ERC1: variants seen among roughly 807,000 people sequenced by gnomAD.
ERC1 encodes the protein ELKS/RAB6-interacting/CAST family member 1.
ERC1 carries 56 observed loss-of-function variants against 132.0 expected under a neutral mutation model. That is an observed-to-expected ratio of 0.42 (90% CI 0.34 to 0.53). The LOEUF (loss-of-function observed/expected upper bound fraction) is 0.53. ERC1 is among the 20% of genes least tolerant of loss of function. The pLI, the probability that ERC1 is intolerant of heterozygous loss-of-function variation, is 0.03. For synonymous variants in ERC1, 478 were observed against 476.1 expected, an observed-to-expected ratio of 1.00 and a Z score of -0.05; for missense variants, 1,202 against 1,349.9, an observed-to-expected ratio of 0.89 and a Z score of 1.72.
At chr12:1,441,559 A>G (rs986475036) in intron 17 of ERC1, among the ~76,000 whole-genome samples, 1 of 152,186 alleles carries the variant, frequency 6.6e-6, no homozygotes. Flanking sequence ...GTCAAAAGTA[A>G]TTACCTAAGA....
intron 17 of ERC1, 93 bp from the exon 18 acceptor site, chr12:1,444,469 C>T (rs1340140570): frequency 5.8e-6 from 5 of 867,142 alleles, no homozygotes; most frequent in Non-Finnish European, 8.6e-6. Flanking sequence ...TTTTCTTTGA[C>T]TTGGAAAGCA....
chr12:1,279,314 CA>C (rs959292669), intron 14 of ERC1, among the ~76,000 whole-genome samples: 2 of 152,012 alleles, frequency 1.3e-5, no homozygotes, highest in Non-Finnish European at 2.9e-5. Flanking sequence ...ATAGTATGAC[CA>C]AAAAATTCTC....
Position 1,083,464 on chromosome 12 carries a change from A to G in ERC1, c.970A>G (p.Lys324Glu). The G allele has an allele frequency of 1.2e-6, 2 of 1,614,208 alleles. No individual in the cohort carries two copies. Among genetic ancestry groups the G allele is most frequent in the Non-Finnish European group, 1.7e-6 (2 of 1,180,022 alleles). The stretch of plus-strand genomic sequence containing the variant: ...GTTGCAGAGCAAAGGACTTTCTGCC[A>G]AGGCTACCGAGGAAGACCATGAGAG... ...EMLQSKGLSAKATEEDHERTR... is the reference protein window; with the variant it reads ...EMLQSKGLSAEATEEDHERTR... The change falls in exon 3 of 19, where the codon AAG becomes GAG. Residue 324 changes from lysine to glutamate, a missense_variant. Coordinates refer to ENST00000360905, the MANE Select transcript of ERC1 (RefSeq NM_178040.4).
At chr12:1,211,909 A>G (rs1000128484) in intron 12 of ERC1, among the ~76,000 whole-genome samples, 4 of 152,258 alleles carry the variant, frequency 2.6e-5, no homozygotes, top group African/African-American at 9.6e-5. Context: ...AGGAAAATTC[A>G]CCACAGGCTC....
chr12:1,175,477 G>A (rs1207683219), intron 8 of ERC1, among the ~76,000 whole-genome samples: 2 of 139,004 alleles, frequency 1.4e-5, no homozygotes, highest in African/African-American at 5.7e-5. Flanking sequence ...AAAAAAAAAA[G>A]CAACAACAAA....
At chr12:1,272,794 A>G (rs1238226282) in intron 14 of ERC1, among the ~76,000 whole-genome samples, 6 of 151,988 alleles carry the variant, frequency 3.9e-5, no homozygotes, top group Non-Finnish European at 8.8e-5. Flanking sequence ...CTAAAAATAC[A>G]AAAATTAGCT....
chr12:1,478,714 G>A (rs1055528487), intron 18 of ERC1, among the ~76,000 whole-genome samples: 10 of 151,954 alleles, frequency 6.6e-5, no homozygotes, highest in East Asian at 1.9e-4. Flanking sequence ...GTGTGAACCC[G>A]GGATGTGGAG....
intron 9 of ERC1, 92 bp from the exon 10 acceptor site, chr12:1,181,833 A>G: frequency 7.5e-7 from 1 of 1,332,714 alleles, no homozygotes; most frequent in Non-Finnish European, 1.0e-6. Context: ...TGTCTTTTGA[A>G]TATAGAAGTT....
intron 15 of ERC1, among the ~76,000 whole-genome samples, chr12:1,354,536 C>A (rs1477198767): frequency 6.8e-6 from 1 of 147,684 alleles, no homozygotes; most frequent in African/African-American, 2.5e-5. Context: ...AAAAAAAAAA[C>A]TTAGTTGAAG....
chr12:1,342,559 G>T (rs2084023060), intron 15 of ERC1, among the ~76,000 whole-genome samples: 1 of 151,874 alleles, frequency 6.6e-6, no homozygotes, highest in Non-Finnish European at 1.5e-5. Context: ...TTTAAGTGTA[G>T]AACCTAGACT....
At chr12:1,303,229 C>G (rs1038963907) in intron 15 of ERC1, among the ~76,000 whole-genome samples, 6 of 152,280 alleles carry the variant, frequency 3.9e-5, no homozygotes, top group African/African-American at 1.4e-4. Context: ...GTTGCCACAT[C>G]AATGGACTCT....
At chr12:1,300,791 G>A (rs1266192888) in intron 15 of ERC1, among the ~76,000 whole-genome samples, 2 of 151,950 alleles carry the variant, frequency 1.3e-5, no homozygotes, top group Non-Finnish European at 2.9e-5. Flanking sequence ...TTATTACAAA[G>A]TCAAATAACA....
At chr12:1,333,610 C>T (rs1028449816) in intron 15 of ERC1, among the ~76,000 whole-genome samples, 4 of 152,076 alleles carry the variant, frequency 2.6e-5, no homozygotes, top group African/African-American at 4.8e-5. Flanking sequence ...GGATTACAGG[C>T]GTGAGCCACC....
intron 7 of ERC1, among the ~76,000 whole-genome samples, chr12:1,121,703 C>A (rs76937463): frequency 2.0e-5 from 1 of 50,296 alleles, no homozygotes; most frequent in African/African-American, 6.5e-5. Context: ...ATCTCTATCT[C>A]TATCTGTGTC....
chr12:1,490,808 G>T lies in ERC1; in HGVS notation c.*578G>T. On this transcript the variant is annotated 3_prime_UTR_variant, in exon 19 of 19. Transcript: ENST00000360905. ...TTTCCACATGAGATGCTTTGTACCG[G>T]GGAGCTGTGAGCAGGCCTCACGATG... 1 of 233,594 alleles carries T rather than the reference G, an allele frequency of 4.3e-6. No individual in the cohort carries two copies. The allele number at this position is 233,594 out of a possible 1,614,324, so 14.5% of individuals were successfully genotyped here. A position where few individuals can be genotyped will look rare whatever the true frequency, so the allele number is the denominator to read the frequency against.
intron 15 of ERC1, among the ~76,000 whole-genome samples, chr12:1,303,978 ATTAGCTAT>A (rs2080634430): frequency 6.9e-6 from 1 of 145,872 alleles, no homozygotes; most frequent in African/African-American, 2.6e-5. Flanking sequence ...AAAGAATTCC[ATTAGCTAT>A]ATCCAAGGTT....
chr12:1,258,528 A>C (rs1159578805), intron 13 of ERC1, among the ~76,000 whole-genome samples: 1 of 152,196 alleles, frequency 6.6e-6, no homozygotes, highest in Non-Finnish European at 1.5e-5. Context: ...AGTCTGTTGC[A>C]TTTCATGATT....
intron 1 of ERC1, among the ~76,000 whole-genome samples, chr12:999,753 G>A (rs950723840): frequency 2.6e-5 from 4 of 151,494 alleles, no homozygotes; most frequent in Non-Finnish European, 2.9e-5. Context: ...GCACCACCAC[G>A]GCCAGCTAAT....
At position 1,258,173 on chromosome 12, in the gene ERC1, A is replaced by G. The variant is rs556426593; in HGVS notation, c.2488-4861A>G. Reference sequence around the variant, plus strand: ...ATGTCCTATCTTAATCTCTAGCTACATTTAGTTCCAGTAAGTCAACTTCCT... The same window carrying G: ...ATGTCCTATCTTAATCTCTAGCTACGTTTAGTTCCAGTAAGTCAACTTCCT... On this transcript the variant is annotated intron_variant, in intron 13 of 18. Transcript: ENST00000360905. 2.0e-5 allele frequency among the ~76,000 whole-genome samples: 3 copies of G among 152,328 alleles called. No individual in the cohort carries two copies. The South Asian group carries it at 6.2e-4, about 32-fold the overall frequency.
Sources: gnomAD v4.1 joint callset for allele counts (sites outside exome capture counted in the v4.1 genomes callset) on GRCh38, gnomAD v4.1.1 for gene constraint, MANE v1.5 for transcripts, NCBI Gene and HGNC (gene_info 2026-07-23, HGNC 2026-07-21) for gene names.